Variants in XKR6 observed in about 807,000 individuals in gnomAD.
XKR6 encodes the protein XK-related protein 6.
Under a neutral mutation model 56.7 loss-of-function variants are expected in XKR6, and 22 were observed. That is an observed-to-expected ratio of 0.39 (90% CI 0.28 to 0.55). The LOEUF (loss-of-function observed/expected upper bound fraction) is 0.55, where lower values mean the gene tolerates loss of function less well. XKR6 is among the 20% of genes least tolerant of loss of function. The probability of loss-of-function intolerance (pLI) is 0.66; values close to 1 mark genes in which losing one functional copy is unlikely to be tolerated. For synonymous variants in XKR6, 524 were observed against 387.8 expected (o/e 1.35, Z -4.13); for missense variants, 852 against 889.0 (o/e 0.96, Z 0.53).
intron 1 of XKR6, among the ~76,000 whole-genome samples, chr8:11,066,314 T>A (rs1329031898): frequency 1.3e-5 from 2 of 152,250 alleles, no homozygotes; most frequent in East Asian, 1.9e-4. Context: ...TGCTCAATTT[T>A]TCTGCCTCCC....
At chr8:10,919,111 T>G (rs868162908) in intron 2 of XKR6, among the ~76,000 whole-genome samples, 3 of 152,168 alleles carry the variant, frequency 2.0e-5, no homozygotes, top group Admixed American at 6.5e-5. Flanking sequence ...CCTGCCTTTC[T>G]CTCCATCCTC....
chr8:11,097,162 T>C (rs534774720), intron 1 of XKR6, among the ~76,000 whole-genome samples: 1 of 152,332 alleles, frequency 6.6e-6, no homozygotes, highest in African/African-American at 2.4e-5. Context: ...AACTCTCATA[T>C]AGACTTTGTC....
chr8:11,149,771 G>A (rs67559300), intron 1 of XKR6, among the ~76,000 whole-genome samples: 32,719 of 152,022 alleles, frequency 0.22, 4,323 homozygotes, highest in Non-Finnish European at 0.3. Flanking sequence ...AAAAGAAATC[G>A]GCACATCAAA....
intron 2 of XKR6, among the ~76,000 whole-genome samples, chr8:10,903,730 A>G (rs1462765862): frequency 6.6e-6 from 1 of 152,144 alleles, no homozygotes; most frequent in South Asian, 2.1e-4. Flanking sequence ...AGGCGTCTAC[A>G]ATCCAAGGAG....
intron 1 of XKR6, among the ~76,000 whole-genome samples, chr8:11,183,600 G>A (rs967647287): frequency 6.6e-6 from 1 of 152,000 alleles, no homozygotes; most frequent in African/African-American, 2.4e-5. Flanking sequence ...TGGGATTACA[G>A]GTATGAGCCA....
chr8:11,084,143 T>G (rs1212489216), intron 1 of XKR6, among the ~76,000 whole-genome samples: 1 of 152,242 alleles, frequency 6.6e-6, no homozygotes, highest in Non-Finnish European at 1.5e-5. Context: ...TGTGATTGCC[T>G]GGGTATCTTC....
intron 1 of XKR6, among the ~76,000 whole-genome samples, chr8:11,107,041 G>A (rs1186596623): frequency 3.3e-5 from 5 of 151,904 alleles, no homozygotes; most frequent in South Asian, 2.1e-4. Context: ...AGCAAAACAT[G>A]ACAATGAGAG....
In XKR6 at chr8:10,897,832, G is replaced by A. The variant is rs1205195407; in HGVS notation, c.*120C>T. On this transcript the variant is annotated 3_prime_UTR_variant, in exon 3 of 3. Transcript: ENST00000416569. Reference sequence around the variant, plus strand: ...TTTGTAGTGGTGGTGTTGGTGTGGCGGTGTTGGTGGTGGTGGCGGTGGTTC... The same window carrying A: ...TTTGTAGTGGTGGTGTTGGTGTGGCAGTGTTGGTGGTGGTGGCGGTGGTTC... The A allele has an allele frequency of 1.4e-5, 18 of 1,254,758 alleles. No individual in the cohort carries two copies. Among genetic ancestry groups the A allele is most frequent in the African/African-American group, 7.5e-5 (5 of 67,060 alleles). The allele number at this position is 1,254,758 out of a possible 1,614,324, so 77.7% of individuals were successfully genotyped here. A position where few individuals can be genotyped will look rare whatever the true frequency, so the allele number is the denominator to read the frequency against.
At chr8:11,037,290 A>G (rs1462163454) in intron 1 of XKR6, among the ~76,000 whole-genome samples, 1 of 152,152 alleles carries the variant, frequency 6.6e-6, no homozygotes, top group Non-Finnish European at 1.5e-5. Context: ...TGGTGGTACA[A>G]TCTCGGCTCA....
At chr8:11,140,039 T>C (rs1161912334) in intron 1 of XKR6, among the ~76,000 whole-genome samples, 3 of 152,030 alleles carry the variant, frequency 2.0e-5, no homozygotes, top group African/African-American at 7.2e-5. Context: ...AAACTCGTTT[T>C]ATACATAAAG....
chr8:10,950,373 G>T (rs1302243720), intron 1 of XKR6, among the ~76,000 whole-genome samples: 6 of 152,236 alleles, frequency 3.9e-5, no homozygotes, highest in Non-Finnish European at 8.8e-5. Flanking sequence ...ACTGCTAGAA[G>T]CAGTGCACAC....
intron 1 of XKR6, among the ~76,000 whole-genome samples, chr8:10,932,458 G>C (rs1272240002): frequency 6.7e-6 from 1 of 148,464 alleles, no homozygotes; most frequent in African/African-American, 2.5e-5. Flanking sequence ...AAATTTTAGG[G>C]TACATGTGCA....
At chr8:11,028,037 T>C (rs1214984706) in intron 1 of XKR6, among the ~76,000 whole-genome samples, 2 of 152,110 alleles carry the variant, frequency 1.3e-5, no homozygotes, top group East Asian at 3.9e-4. Flanking sequence ...TTGGCGAATG[T>C]ATAATGATCT....
At chr8:11,145,629 CAGAG>C (rs760202006) in intron 1 of XKR6, among the ~76,000 whole-genome samples, 2 of 152,024 alleles carry the variant, frequency 1.3e-5, no homozygotes, top group African/African-American at 4.8e-5. Flanking sequence ...AACAATGAAA[CAGAG>C]AGAAATCTGA....
intron 2 of XKR6, among the ~76,000 whole-genome samples, chr8:10,914,203 C>G (rs753953275): frequency 1.3e-5 from 2 of 152,124 alleles, no homozygotes; most frequent in African/African-American, 4.8e-5. Flanking sequence ...TCACTGTAAC[C>G]GCCGCAACCA....
intron 1 of XKR6, among the ~76,000 whole-genome samples, chr8:11,103,172 G>A (rs1044892527): frequency 6.6e-6 from 1 of 152,154 alleles, no homozygotes; most frequent in African/African-American, 2.4e-5. Context: ...AATTTACACA[G>A]ATAAATCTAA....
chr8:10,966,464 G>A (rs552153795), intron 1 of XKR6, among the ~76,000 whole-genome samples: 2 of 152,210 alleles, frequency 1.3e-5, no homozygotes, highest in South Asian at 4.2e-4. Context: ...ACGAGGTCAG[G>A]AGATCGAGAC....
intron 1 of XKR6, among the ~76,000 whole-genome samples, chr8:11,120,223 G>T (rs1799380456): frequency 6.6e-6 from 1 of 152,090 alleles, no homozygotes; most frequent in African/African-American, 2.4e-5. Context: ...GGGCATTCAA[G>T]TAAGAAAAGA....
intron 1 of XKR6, among the ~76,000 whole-genome samples, chr8:11,069,029 C>A (rs1317143325): frequency 6.6e-6 from 1 of 151,968 alleles, no homozygotes; most frequent in Non-Finnish European, 1.5e-5. Flanking sequence ...GGCTAACTTA[C>A]AAGAGTGATT....
Sources: gnomAD v4.1 joint callset for allele counts (sites outside exome capture counted in the v4.1 genomes callset) on GRCh38, gnomAD v4.1.1 for gene constraint, MANE v1.5 for transcripts, NCBI Gene and HGNC (gene_info 2026-07-23, HGNC 2026-07-21) for gene names.